Variants in ITGAM observed in about 807,000 individuals in gnomAD.
The protein encoded by ITGAM is integrin subunit alpha M.
In ITGAM, 79 loss-of-function variants were observed where a neutral mutation model predicts 137.5. The ratio of observed to expected loss-of-function variants is 0.57; its 90% CI spans 0.48 to 0.69. ITGAM has a LOEUF of 0.69. ITGAM is among the 30% of genes least tolerant of loss of function. The pLI is 0.00. For missense variants in ITGAM, 1,343 were observed against 1,483.5 expected (o/e 0.91, Z 1.56); for synonymous variants, 583 against 592.3 (o/e 0.98, Z 0.23).
chr16:31,290,080 CAAAAAAAAA>C lies in ITGAM; in HGVS notation c.1357-7421_1357-7413del, dbSNP rs780127045. Among the ~76,000 whole-genome samples the C allele has an allele frequency of 8.9e-4, 50 of 56,124 alleles. 2 individuals are homozygous for C. In the South Asian group the frequency reaches 0.03, roughly 34 times the overall value. The allele number at this position is 56,124 out of a possible 152,430, so 36.8% of individuals were successfully genotyped here. ...TGGGCAACAAGTGTGAAACTCCATC[CAAAAAAAAA>C]AAAAAAAAAAAAGAAATACAACTGA... On this transcript the variant is annotated intron_variant, in intron 12 of 29. Transcript: ENST00000544665.
chr16:31,280,645 A>G (rs1443189942), intron 12 of ITGAM, among the ~76,000 whole-genome samples: 1 of 152,122 alleles, frequency 6.6e-6, no homozygotes, highest in Non-Finnish European at 1.5e-5. Flanking sequence ...GGGTTGAGAC[A>G]ATGGGGTTTT....
intron 12 of ITGAM, among the ~76,000 whole-genome samples, chr16:31,297,227 T>C (rs916782039): frequency 6.6e-6 from 1 of 152,150 alleles, no homozygotes; most frequent in Admixed American, 6.6e-5. Context: ...TGGAGTGCAG[T>C]GGTGACAAAG....
intron 11 of ITGAM, 86 bp from the exon 12 acceptor site, chr16:31,277,881 C>A (rs1475546966): frequency 7.1e-6 from 10 of 1,398,632 alleles, no homozygotes; most frequent in South Asian, 4.1e-5. Context: ...CGTGGGGCTG[C>A]CCCAGTGCCC....
chr16:31,321,713 T>C, intron 16 of ITGAM, 86 bp downstream of exon 16: 1 of 1,366,914 alleles, frequency 7.3e-7, no homozygotes, highest in East Asian at 2.3e-5. Context: ...GCCTTCTGGC[T>C]GTCCTGAACT....
rs61758332 is a variant in ITGAM at position 31,329,199 on chromosome 16, C to T, written c.2793-29C>T. On this transcript the variant is annotated intron_variant, in intron 23 of 29. Transcript: ENST00000544665. ...TCCCAGGGCACCCCTCATGTTTTGT[C>T]ACCTCCTGTCCCTTTTTTCTCCCTT... 2.2e-3 allele frequency: 3,307 copies of T among 1,529,876 alleles called. 112 individuals are homozygous for T. The East Asian group carries it at 0.065, about 30-fold the overall frequency. The allele number at this position is 1,529,876 out of a possible 1,614,324, so 94.8% of individuals were successfully genotyped here. A position where few individuals can be genotyped will look rare whatever the true frequency, so the allele number is the denominator to read the frequency against.
intron 14 of ITGAM, among the ~76,000 whole-genome samples, chr16:31,308,021 T>A (rs1484912570): frequency 6.6e-6 from 1 of 152,082 alleles, no homozygotes. Flanking sequence ...GTGGATAAGC[T>A]TTTTGATGTG....
In ITGAM at chr16:31,325,285, G is replaced by A; in HGVS notation, c.2386G>A (p.Gly796Arg). 6.2e-7 allele frequency: 1 copy of A among 1,613,238 alleles called. No individual in the cohort carries two copies. The highest frequency in any genetic ancestry group is 8.5e-7 in the Non-Finnish European group (1 of 1,179,428). ...CAGCCTGGACTGCCTCGTGGTGGGT[G>A]GGCCCCGGGAGTTCAACGTGACAGT... ...FMSLDCLVVG[G>R]PREFNVTVTV... is the part of the protein sequence containing the mutation. Residue 796 changes from glycine (G) to arginine (R), a missense_variant, in exon 20 of 30, where the codon GGG (glycine) becomes AGG (arginine). Physicochemically the swap from Gly to Arg is moderately radical, Grantham distance 125 (BLOSUM62 -2). Coordinates refer to ENST00000544665, the MANE Select transcript of ITGAM (RefSeq NM_000632.4).
At chr16:31,302,480 TTTC>T (rs2080215449) in intron 14 of ITGAM, among the ~76,000 whole-genome samples, 1 of 115,990 alleles carries the variant, frequency 8.6e-6, no homozygotes, top group Non-Finnish European at 1.6e-5. Flanking sequence ...TCTTTCTTTC[TTTC>T]TTTTTTCTTT....
In ITGAM at chr16:31,271,089, G is replaced by T; in HGVS notation, c.558+5G>T. 2 of 1,554,728 alleles carry T rather than the reference G, an allele frequency of 1.3e-6. No homozygotes were observed. Among genetic ancestry groups the T allele is most frequent in the South Asian group, 1.2e-5 (1 of 82,140 alleles). ...TTAAAAAAGTCCAAAACCTTGGTGA[G>T]GGCCCAGGGGTAGGTTAGGGAAGAG... On this transcript the variant is annotated splice_donor_5th_base_variant and intron_variant, in intron 6 of 29. Coordinates refer to ENST00000544665, the MANE Select transcript of ITGAM (RefSeq NM_000632.4).
chr16:31,287,074 G>A (rs2080036527), intron 12 of ITGAM, among the ~76,000 whole-genome samples: 1 of 152,098 alleles, frequency 6.6e-6, no homozygotes, highest in South Asian at 2.1e-4. Context: ...TGTAAGGAAG[G>A]GGTTCAGTTT....
At chr16:31,331,444 C>T in intron 29 of ITGAM, 169 bp downstream of exon 29, 1 of 669,910 alleles carries the variant, frequency 1.5e-6, no homozygotes, top group Non-Finnish European at 2.6e-6. Flanking sequence ...ATGCGCGGGG[C>T]GCGCTGAGAA....
At chr16:31,287,515 C>T (rs937528590) in intron 12 of ITGAM, among the ~76,000 whole-genome samples, 8 of 152,046 alleles carry the variant, frequency 5.3e-5, no homozygotes, top group South Asian at 2.1e-4. Flanking sequence ...AATACTTTTC[C>T]GCTTATTTGT....
intron 5 of ITGAM, among the ~76,000 whole-genome samples, chr16:31,270,699 G>GTGTGTGTA (rs1477833816): frequency 1.9e-4 from 5 of 26,006 alleles, no homozygotes; most frequent in African/African-American, 5.7e-4. Context: ...GTGTGTGTGT[G>GTGTGTGTA]TATATATATA....
chr16:31,321,228 T>G lies in ITGAM; in HGVS notation c.1708-13T>G. ...TACCCCTTTCTCTCTCCACACCTCTTTTTTACCCTCAGCGGATAGCAGGCT... is the reference window on the plus strand; with the variant it reads ...TACCCCTTTCTCTCTCCACACCTCTGTTTTACCCTCAGCGGATAGCAGGCT... On this transcript the variant is annotated splice_polypyrimidine_tract_variant and intron_variant, in intron 14 of 29. Coordinates refer to ENST00000544665, the MANE Select transcript of ITGAM (RefSeq NM_000632.4). 1.2e-6 allele frequency: 2 copies of G among 1,613,684 alleles called. No individual in the cohort carries two copies. Among genetic ancestry groups the G allele is most frequent in the Non-Finnish European group, 1.7e-6 (2 of 1,179,810 alleles).
At chr16:31,318,148 G>C (rs1156601774) in intron 14 of ITGAM, among the ~76,000 whole-genome samples, 1 of 152,040 alleles carries the variant, frequency 6.6e-6, no homozygotes, top group Non-Finnish European at 1.5e-5. Flanking sequence ...GGCTTGGTAG[G>C]TTGTATATTT....
chr16:31,315,965 C>A (rs1210755781), intron 14 of ITGAM, among the ~76,000 whole-genome samples: 1 of 151,204 alleles, frequency 6.6e-6, no homozygotes, highest in Non-Finnish European at 1.5e-5. Flanking sequence ...AAGGCTGAGG[C>A]GGGTGGATCA....
chr16:31,312,686 C>G (rs1237082212), intron 14 of ITGAM, among the ~76,000 whole-genome samples: 1 of 152,122 alleles, frequency 6.6e-6, no homozygotes, highest in African/African-American at 2.4e-5. Context: ...ACCTTGGCCT[C>G]CCAAAGTGCT....
intron 12 of ITGAM, among the ~76,000 whole-genome samples, chr16:31,294,695 T>C (rs1258624801): frequency 6.6e-6 from 1 of 152,172 alleles, no homozygotes; most frequent in African/African-American, 2.4e-5. Context: ...GAAATTTTCT[T>C]TTTTTGTTAA....
rs995814691 is a variant in ITGAM at position 31,270,955 on chromosome 16, G to T, written c.429G>T (p.Gly143=). ...TCATACTCTTTTCCCCTTCCCCAGGGTGTCCTCAAGAGGATAGTGACATTG... is the reference window on the plus strand; with the variant it reads ...TCATACTCTTTTCCCCTTCCCCAGGTTGTCCTCAAGAGGATAGTGACATTG... The part of the protein sequence containing the change: ...QPQKFPEALR[G]CPQEDSDIAF... The change falls in exon 6 of 30, where the codon GGG becomes GGT. Residue 143 remains glycine, a splice_region_variant and synonymous_variant. Transcript: ENST00000544665. 1.3e-6 allele frequency: 2 copies of T among 1,507,326 alleles called. No individual in the cohort carries two copies. The highest frequency in any genetic ancestry group is 1.4e-5 in the South Asian group (1 of 73,908). The allele number at this position is 1,507,326 out of a possible 1,614,324, so 93.4% of individuals were successfully genotyped here.
Sources: allele counts gnomAD v4.1 joint callset (sites outside exome capture counted in the v4.1 genomes callset), GRCh38; gene constraint gnomAD v4.1.1; transcripts MANE v1.5; gene names NCBI Gene and HGNC (gene_info 2026-07-23, HGNC 2026-07-21).